The following DIP2C variants were observed in gnomAD, a reference collection of about 807,000 sequenced individuals.
DIP2C encodes the protein DIP2 acetate--CoA ligase C (putative).
A neutral mutation model predicts 192.4 loss-of-function variants in DIP2C; 33 were observed. The ratio of observed to expected loss-of-function variants is 0.17; its 90% CI spans 0.13 to 0.23. DIP2C has a LOEUF of 0.23. Among genes scored for constraint, DIP2C ranks in the 10% least tolerant of loss-of-function variants. The probability of loss-of-function intolerance (pLI) is 1.00; values close to 1 mark genes in which losing one functional copy is unlikely to be tolerated. For synonymous variants in DIP2C, 979 were observed against 864.1 expected, an observed-to-expected ratio of 1.13 and a Z score of -2.33; for missense variants, 1,537 against 2,110.1, an observed-to-expected ratio of 0.73 and a Z score of 5.32.
Position 488,659 on chromosome 10 carries a change from G to A in DIP2C, c.86-2129C>T, listed in dbSNP as rs1050865782. On this transcript the variant is annotated intron_variant, in intron 1 of 36. Transcript: ENST00000280886. ...GGAAGTGCCCTTCTCCGAAGGAAAC[G>A]GGACTCTACTTCCTGCTTTGCCCTC... is the stretch of plus-strand genomic sequence containing the variant. Among the ~76,000 whole-genome samples, 9 of 152,144 alleles carry A rather than the reference G, an allele frequency of 5.9e-5. No individual in the cohort carries two copies. The South Asian group carries it at 6.2e-4, about 11-fold the overall frequency.
rs1016292963 is a variant in DIP2C at position 419,117 on chromosome 10, C to T, written c.687G>A (p.Gly229=). 2 of 1,614,168 alleles carry T rather than the reference C, an allele frequency of 1.2e-6. No individual in the cohort carries two copies. The highest frequency in any genetic ancestry group is 1.7e-6 in the Non-Finnish European group (2 of 1,180,062). Reference sequence around the variant, plus strand: ...TGCCGTACTTGGGCGCTGTCCGGGACCCCGTGGAACCCTGCGGTCTCTCCA... The same window carrying T: ...TGCCGTACTTGGGCGCTGTCCGGGATCCCGTGGAACCCTGCGGTCTCTCCA... ...IQVERPQGST[G]SRTAPKYGNA... The change falls in exon 6 of 37, where the codon GGG becomes GGA. Residue 229 remains glycine, a synonymous_variant. Transcript: ENST00000280886.
chr10:615,192 G>A lies in DIP2C; in HGVS notation c.85+74302C>T, dbSNP rs965626170. Among the ~76,000 whole-genome samples the A allele has an allele frequency of 3.3e-5, 5 of 152,210 alleles. No homozygotes were observed. In the East Asian group the frequency reaches 7.7e-4, roughly 23 times the overall value. ...ACTGTGAAAGTGCAGAGGACGGTGC[G>A]GTCCCTAGGCGGGCTGCTTCTCCCA... is the stretch of plus-strand genomic sequence containing the variant. On this transcript the variant is annotated intron_variant, in intron 1 of 36. Coordinates refer to ENST00000280886, the MANE Select transcript of DIP2C (RefSeq NM_014974.3).
At chr10:642,584 C>A (rs181705548) in intron 1 of DIP2C, among the ~76,000 whole-genome samples, 1 of 152,374 alleles carries the variant, frequency 6.6e-6, no homozygotes, top group Admixed American at 6.5e-5. Context: ...TGCTGTTAGA[C>A]CTTCTGCTCA....
chr10:368,533 G>C (rs1221313962), intron 18 of DIP2C, among the ~76,000 whole-genome samples: 1 of 152,160 alleles, frequency 6.6e-6, no homozygotes, highest in Non-Finnish European at 1.5e-5. Context: ...GGGAAGCCAC[G>C]GGCTGCCTTC....
chr10:466,282 A>C (rs1409132152), intron 3 of DIP2C, among the ~76,000 whole-genome samples: 1 of 150,802 alleles, frequency 6.6e-6, no homozygotes, highest in African/African-American at 2.4e-5. Flanking sequence ...AAAACAAGCA[A>C]TGGGGAAAGG....
At chr10:683,249 C>T (rs1831194565) in intron 1 of DIP2C, among the ~76,000 whole-genome samples, 1 of 152,216 alleles carries the variant, frequency 6.6e-6, no homozygotes, top group Non-Finnish European at 1.5e-5. Flanking sequence ...GAAGGCAGGA[C>T]GGTTGTGCAG....
intron 13 of DIP2C, among the ~76,000 whole-genome samples, chr10:388,341 A>G (rs1194362229): frequency 6.6e-6 from 1 of 152,192 alleles, no homozygotes; most frequent in Non-Finnish European, 1.5e-5. Flanking sequence ...AGGTGCTAAA[A>G]GCTCGTGCTT....
chr10:601,230 A>C (rs1235548477), intron 1 of DIP2C, among the ~76,000 whole-genome samples: 1 of 152,222 alleles, frequency 6.6e-6, no homozygotes, highest in African/African-American at 2.4e-5. Context: ...AGATAAACTC[A>C]TTACCACTCC....
At position 548,682 on chromosome 10, in the gene DIP2C, G is replaced by A. The variant is rs570159850; in HGVS notation, c.86-62152C>T. On this transcript the variant is annotated intron_variant, in intron 1 of 36. Transcript: ENST00000280886. ...TGTGGCCGGGGGAGGAGACATGGCT[G>A]GAGGGAAGCGACAAGAGGGGTCTCC... Among the ~76,000 whole-genome samples the A allele has an allele frequency of 2.6e-5, 4 of 151,886 alleles. No individual in the cohort carries two copies. The East Asian group carries it at 7.8e-4, about 29-fold the overall frequency.
chr10:639,246 G>C (rs1337787813), intron 1 of DIP2C, among the ~76,000 whole-genome samples: 1 of 144,046 alleles, frequency 6.9e-6, no homozygotes, highest in Admixed American at 6.8e-5. Context: ...GGACGCGTCA[G>C]GTCGGGGGGT....
At chr10:380,448 C>T (rs1962265848) in intron 17 of DIP2C, among the ~76,000 whole-genome samples, 1 of 152,074 alleles carries the variant, frequency 6.6e-6, no homozygotes, top group African/African-American at 2.4e-5. Flanking sequence ...AGAGGCTGTC[C>T]CTGGATGATG....
intron 2 of DIP2C, among the ~76,000 whole-genome samples, chr10:478,610 A>ATAGCAACGTCTCTATGG (rs1483913197): frequency 6.6e-6 from 1 of 150,764 alleles, no homozygotes; most frequent in African/African-American, 2.5e-5. Context: ...GGGGCTGCAG[A>ATAGCAACGTCTCTATGG]CACATCCAAA....
chr10:519,837 T>TG (rs763221939), intron 1 of DIP2C, among the ~76,000 whole-genome samples: 2 of 152,218 alleles, frequency 1.3e-5, no homozygotes, highest in East Asian at 1.9e-4. Flanking sequence ...GCCTCCCCCC[T>TG]GCTCCTCTAC....
At chr10:481,605 C>G (rs1843614641) in intron 2 of DIP2C, among the ~76,000 whole-genome samples, 1 of 152,250 alleles carries the variant, frequency 6.6e-6, no homozygotes, top group Non-Finnish European at 1.5e-5. Flanking sequence ...TTAGCCCTTA[C>G]ATGTTACCAT....
intron 1 of DIP2C, among the ~76,000 whole-genome samples, chr10:530,895 C>T (rs1423483780): frequency 1.3e-5 from 2 of 152,144 alleles, no homozygotes; most frequent in Non-Finnish European, 2.9e-5. Context: ...CACAGTCAGA[C>T]AGCAGCCTGG....
chr10:296,117 T>C (rs1370113653), intron 32 of DIP2C, among the ~76,000 whole-genome samples: 3 of 152,238 alleles, frequency 2.0e-5, no homozygotes, highest in African/African-American at 4.8e-5. Flanking sequence ...AGAAGCTCTT[T>C]AGTTTAATTA....
chr10:343,222 G>A (rs908890800), intron 28 of DIP2C, among the ~76,000 whole-genome samples: 2 of 152,234 alleles, frequency 1.3e-5, no homozygotes, highest in African/African-American at 4.8e-5. Context: ...CAAGAGGGCG[G>A]AGGTTGCAGT....
rs1960698957 is a variant in DIP2C at position 369,490 on chromosome 10, T to A, written c.2131+4A>T. On this transcript the variant is annotated splice_donor_region_variant and intron_variant, in intron 18 of 36. Transcript: ENST00000280886. ...AATCTGTGCAGCTCGCGACCCACAC[T>A]CACCTCCAGGCATCACGAGGCCGAC... is the stretch of plus-strand genomic sequence containing the variant. 2 of 1,533,412 alleles carry A rather than the reference T, an allele frequency of 1.3e-6. No homozygotes were observed. The highest frequency in any genetic ancestry group is 2.6e-5 in the South Asian group (2 of 77,240). 95.0% of individuals were successfully genotyped at this position (1,533,412 alleles called of 1,614,324 possible).
chr10:625,889 A>AGT (rs1182878037), intron 1 of DIP2C, among the ~76,000 whole-genome samples: 1 of 152,236 alleles, frequency 6.6e-6, no homozygotes, highest in Non-Finnish European at 1.5e-5. Flanking sequence ...AAAGTGACAG[A>AGT]GTGAAACCAT....
Sources: allele counts gnomAD v4.1 joint callset (sites outside exome capture counted in the v4.1 genomes callset), GRCh38; gene constraint gnomAD v4.1.1; transcripts MANE v1.5; gene names NCBI Gene and HGNC (gene_info 2026-07-23, HGNC 2026-07-21).